Variants in CCND3 observed in about 807,000 individuals in gnomAD.
CCND3 encodes the protein G1/S-specific cyclin-D3.
In CCND3, 9 loss-of-function variants were observed where a neutral mutation model predicts 28.7. That is an observed-to-expected ratio of 0.31 (90% confidence interval 0.19 to 0.55). CCND3 has a LOEUF of 0.55. CCND3 is among the 20% of genes least tolerant of loss of function. The probability of loss-of-function intolerance (pLI) is 0.93; values close to 1 mark genes in which losing one functional copy is unlikely to be tolerated. For missense variants in CCND3, 315 were observed against 385.8 expected, an observed-to-expected ratio of 0.82 and a Z score of 1.54; for synonymous variants, 164 against 163.9, an observed-to-expected ratio of 1.00 and a Z score of 0.00.
chr6:41,996,405 C>T (rs1056436184), intron 1 of CCND3, among the ~76,000 whole-genome samples: 10 of 151,820 alleles, frequency 6.6e-5, no homozygotes, highest in Admixed American at 3.3e-4. Context: ...TCGCCTCGGC[C>T]TCCCAAAGTG....
chr6:41,987,511 CTCTCTCTGTGTGTG>C (rs1322914325), intron 1 of CCND3, among the ~76,000 whole-genome samples: 917 of 43,412 alleles, frequency 0.021, 11 homozygotes, highest in Admixed American at 0.092. Context: ...CTCTCTCTCT[CTCTCTCTGTGTGTG>C]TGTGTGTGTG....
At chr6:41,989,058 A>G (rs930485780) in intron 1 of CCND3, among the ~76,000 whole-genome samples, 1 of 152,190 alleles carries the variant, frequency 6.6e-6, no homozygotes, top group African/African-American at 2.4e-5. Context: ...ATGTCAAAAG[A>G]ATGAGAAGAC....
chr6:41,972,239 A>AG (rs775115381), intron 1 of CCND3, among the ~76,000 whole-genome samples: 7,153 of 138,900 alleles, frequency 0.051, 366 homozygotes, highest in African/African-American at 0.12. Flanking sequence ...AAAAAAAAAA[A>AG]AAAAAGAAAA....
intron 1 of CCND3, among the ~76,000 whole-genome samples, chr6:42,022,279 C>G (rs1465336484): frequency 6.6e-6 from 1 of 152,152 alleles, no homozygotes; most frequent in East Asian, 1.9e-4. Context: ...TTCATATTTA[C>G]CAGTATCTAG....
At chr6:42,043,280 G>A (rs936467388) in intron 1 of CCND3, among the ~76,000 whole-genome samples, 1 of 152,236 alleles carries the variant, frequency 6.6e-6, no homozygotes, top group Non-Finnish European at 1.5e-5. Context: ...GCTTACACCT[G>A]TAATCCCAGC....
intron 1 of CCND3, among the ~76,000 whole-genome samples, chr6:41,973,699 G>T (rs1404916096): frequency 6.6e-6 from 1 of 152,138 alleles, no homozygotes; most frequent in East Asian, 1.9e-4. Context: ...ATAATAAAAA[G>T]CCCTGATTTC....
intron 1 of CCND3, 166 bp from the exon 2 acceptor site, chr6:41,940,751 G>A: frequency 4.0e-6 from 3 of 754,062 alleles, no homozygotes; most frequent in African/African-American, 1.7e-5. Context: ...CCTCCCCAAG[G>A]TGACGCCCCC....
chr6:41,972,678 C>A (rs1448942118), intron 1 of CCND3, among the ~76,000 whole-genome samples: 5 of 151,974 alleles, frequency 3.3e-5, no homozygotes, highest in African/African-American at 4.8e-5. Context: ...TAGCCTCACG[C>A]CTCCTTGTCT....
intron 1 of CCND3, among the ~76,000 whole-genome samples, chr6:42,045,605 C>G (rs1461843230): frequency 1.3e-5 from 2 of 152,208 alleles, no homozygotes; most frequent in African/African-American, 4.8e-5. Context: ...CCTTTCTCAA[C>G]CTGCACGAAT....
chr6:41,950,092 A>T (rs905608694), intron 1 of CCND3, among the ~76,000 whole-genome samples: 2 of 139,202 alleles, frequency 1.4e-5, no homozygotes, highest in African/African-American at 5.6e-5. Flanking sequence ...AGCAAGATTA[A>T]AAAAAAAAAA....
At chr6:42,014,018 G>A (rs1272154843) in intron 1 of CCND3, among the ~76,000 whole-genome samples, 1 of 150,696 alleles carries the variant, frequency 6.6e-6, no homozygotes, top group Non-Finnish European at 1.5e-5. Context: ...GTTGCAGTGA[G>A]CCGAGATCGT....
At chr6:42,018,623 G>A (rs1315276116) in intron 1 of CCND3, 1 of 152,116 alleles carries the variant, frequency 6.6e-6, no homozygotes, top group African/African-American at 2.4e-5. Flanking sequence ...CGGGCCTGGT[G>A]GCTCACTCCT....
At chr6:42,014,590 C>T (rs558422627) in intron 1 of CCND3, among the ~76,000 whole-genome samples, 13 of 152,312 alleles carry the variant, frequency 8.5e-5, no homozygotes, top group African/African-American at 3.1e-4. Context: ...TAACACAGCA[C>T]ATGATCCCAG....
intron 1 of CCND3, among the ~76,000 whole-genome samples, chr6:41,949,559 T>C (rs1481029673): frequency 6.6e-6 from 1 of 152,052 alleles, no homozygotes; most frequent in African/African-American, 2.4e-5. Context: ...ATCCCAGCAC[T>C]TTGGGAGGCG....
At chr6:41,977,581 G>T (rs922267959) in intron 1 of CCND3, among the ~76,000 whole-genome samples, 1 of 152,036 alleles carries the variant, frequency 6.6e-6, no homozygotes, top group African/African-American at 2.4e-5. Flanking sequence ...TGGCCAGGCT[G>T]GTCTCAAACT....
intron 1 of CCND3, among the ~76,000 whole-genome samples, chr6:41,969,123 C>G (rs1264182565): frequency 1.3e-5 from 2 of 152,028 alleles, no homozygotes; most frequent in Non-Finnish European, 2.9e-5. Context: ...AGACGGCTCC[C>G]CAGATTACAT....
At chr6:41,968,444 CA>C (rs2127407040) in intron 1 of CCND3, among the ~76,000 whole-genome samples, 1 of 151,798 alleles carries the variant, frequency 6.6e-6, no homozygotes, top group Admixed American at 6.6e-5. Context: ...AGGATGCAGC[CA>C]AAAAACCTAG....
intron 1 of CCND3, among the ~76,000 whole-genome samples, chr6:41,987,497 CTCTCTCTCTCTCTCTCTCTCTGTG>C (rs1762513915): frequency 1.2e-5 from 1 of 82,966 alleles, no homozygotes; most frequent in East Asian, 3.8e-4. Flanking sequence ...CTCTCTCTCT[CTCTCTCTCTCTCTCTCTCTCTGTG>C]TGTGTGTGTG....
intron 1 of CCND3, among the ~76,000 whole-genome samples, chr6:41,976,601 C>T (rs953601833): frequency 3.9e-5 from 6 of 152,024 alleles, no homozygotes; most frequent in Admixed American, 2.0e-4. Flanking sequence ...TACCGTGAGC[C>T]GTGATTGAGC....
Sources: allele counts gnomAD v4.1 joint callset (sites outside exome capture counted in the v4.1 genomes callset), GRCh38; gene constraint gnomAD v4.1.1; transcripts MANE v1.5; gene names NCBI Gene and HGNC (gene_info 2026-07-23, HGNC 2026-07-21).